The following ATRNL1 variants were observed in gnomAD, a reference collection of about 807,000 sequenced individuals.
The protein encoded by ATRNL1 is attractin like 1.
ATRNL1 carries 95 observed loss-of-function variants against 182.7 expected under a neutral mutation model. That is an observed-to-expected ratio of 0.52 (90% CI 0.44 to 0.62). The LOEUF is 0.62. Among genes scored for constraint, ATRNL1 ranks in the 20% least tolerant of loss-of-function variants. ATRNL1 has a pLI of 0.00. For missense variants in ATRNL1, 1,471 were observed against 1,679.5 expected (o/e 0.88, Z 2.17); for synonymous variants, 576 against 568.3 (o/e 1.01, Z -0.19).
intron 27 of ATRNL1, among the ~76,000 whole-genome samples, chr10:115,768,253 T>C: frequency 6.6e-6 from 1 of 152,132 alleles, no homozygotes; most frequent in East Asian, 1.9e-4. Context: ...AGAGCTAATG[T>C]ACATAAATTT....
intron 26 of ATRNL1, among the ~76,000 whole-genome samples, chr10:115,697,698 A>G (rs1205401284): frequency 6.6e-6 from 1 of 152,176 alleles, no homozygotes; most frequent in Non-Finnish European, 1.5e-5. Context: ...TTATTAATGT[A>G]AATGTTATGA....
At chr10:115,286,788 G>A (rs1231908214) in intron 15 of ATRNL1, among the ~76,000 whole-genome samples, 4 of 151,916 alleles carry the variant, frequency 2.6e-5, no homozygotes, top group South Asian at 4.1e-4. Context: ...TCAACCAACC[G>A]CAGATGAAAA....
chr10:115,428,829 CAT>C (rs1217233174), intron 21 of ATRNL1, among the ~76,000 whole-genome samples: 6 of 152,030 alleles, frequency 3.9e-5, no homozygotes, highest in Admixed American at 6.5e-5. Context: ...TTTATGTGAA[CAT>C]ATGTTTTTAT....
chr10:115,394,791 A>T, intron 20 of ATRNL1, 39 bp downstream of exon 20: 1 of 1,442,618 alleles, frequency 6.9e-7, no homozygotes, highest in Non-Finnish European at 9.5e-7. Flanking sequence ...CGTGGATTGA[A>T]TTTGTGTTGT....
intron 26 of ATRNL1, among the ~76,000 whole-genome samples, chr10:115,611,165 G>A (rs1028400734): frequency 1.3e-5 from 2 of 151,732 alleles, no homozygotes; most frequent in Non-Finnish European, 2.9e-5. Flanking sequence ...AATTGCCCGT[G>A]AAATTGAGTT....
intron 26 of ATRNL1, among the ~76,000 whole-genome samples, chr10:115,581,066 G>A (rs139339950): frequency 3.2e-4 from 48 of 151,968 alleles, no homozygotes; most frequent in African/African-American, 9.4e-4. Flanking sequence ...TTTTTTATTC[G>A]GAGCATATTT....
At chr10:115,545,755 T>G (rs1565153113) in intron 25 of ATRNL1, among the ~76,000 whole-genome samples, 1 of 152,224 alleles carries the variant, frequency 6.6e-6, no homozygotes, top group Non-Finnish European at 1.5e-5. Context: ...ATAAGTAACT[T>G]TTCTATATAC....
chr10:115,763,535 G>T (rs1948784447), intron 27 of ATRNL1, among the ~76,000 whole-genome samples: 1 of 152,112 alleles, frequency 6.6e-6, no homozygotes, highest in Non-Finnish European at 1.5e-5. Context: ...GATCTGGTTG[G>T]CCTAGTTGTG....
chr10:115,552,276 A>C (rs76068363), intron 26 of ATRNL1, among the ~76,000 whole-genome samples: 1 of 151,282 alleles, frequency 6.6e-6, no homozygotes, highest in Non-Finnish European at 1.5e-5. Context: ...TCCTCTCTTT[A>C]TTCAGTTTTA....
At chr10:115,540,435 A>G in intron 25 of ATRNL1, among the ~76,000 whole-genome samples, 1 of 152,112 alleles carries the variant, frequency 6.6e-6, no homozygotes, top group Admixed American at 6.6e-5. Context: ...ATCCCTTTGT[A>G]AAGTCAAGGT....
chr10:115,468,525 T>C (rs1288280566), intron 23 of ATRNL1, among the ~76,000 whole-genome samples: 3 of 150,806 alleles, frequency 2.0e-5, no homozygotes, highest in Non-Finnish European at 3.0e-5. Flanking sequence ...ATTGCTAAGA[T>C]TGTTGGAAAT....
intron 8 of ATRNL1, among the ~76,000 whole-genome samples, chr10:115,189,028 G>A (rs1335235639): frequency 6.6e-6 from 1 of 152,104 alleles, no homozygotes; most frequent in Admixed American, 6.6e-5. Context: ...GTAAAATACA[G>A]TTATGCCATG....
At chr10:115,690,517 A>G (rs1946356857) in intron 26 of ATRNL1, among the ~76,000 whole-genome samples, 1 of 152,112 alleles carries the variant, frequency 6.6e-6, no homozygotes, top group Non-Finnish European at 1.5e-5. Context: ...CTGGTTTCTA[A>G]CAAGCCACGG....
chr10:115,723,751 T>G (rs904233251), intron 26 of ATRNL1, among the ~76,000 whole-genome samples: 1 of 152,028 alleles, frequency 6.6e-6, no homozygotes, highest in Non-Finnish European at 1.5e-5. Context: ...AGAGACAGGA[T>G]TTCACCATGT....
chr10:115,928,584 A>C (rs1483182833), intron 28 of ATRNL1, among the ~76,000 whole-genome samples: 1 of 151,998 alleles, frequency 6.6e-6, no homozygotes, highest in Non-Finnish European at 1.5e-5. Context: ...GAAGAGAAGA[A>C]TTGTCTATTG....
At chr10:115,422,083 A>AT (rs1801290449) in intron 20 of ATRNL1, among the ~76,000 whole-genome samples, 1 of 152,192 alleles carries the variant, frequency 6.6e-6, no homozygotes, top group Non-Finnish European at 1.5e-5. Context: ...ACCCAAAACT[A>AT]TAAAAACCCT....
chr10:115,108,009 T>C (rs1554866553), intron 1 of ATRNL1, among the ~76,000 whole-genome samples: 1 of 152,184 alleles, frequency 6.6e-6, no homozygotes, highest in African/African-American at 2.4e-5. Context: ...CTTTCTATCT[T>C]GATGAATAGC....
chr10:115,858,821 T>C (rs1271560716), intron 28 of ATRNL1, among the ~76,000 whole-genome samples: 1 of 152,142 alleles, frequency 6.6e-6, no homozygotes, highest in African/African-American at 2.4e-5. Context: ...ATGAATTAAA[T>C]AGTCCTACTT....
chr10:115,679,319 G>A (rs541307145), intron 26 of ATRNL1, among the ~76,000 whole-genome samples: 3 of 148,720 alleles, frequency 2.0e-5, no homozygotes, highest in African/African-American at 7.4e-5. Context: ...TGGTTGGTTG[G>A]TTTTTTTTTT....
Sources: allele counts gnomAD v4.1 joint callset (sites outside exome capture counted in the v4.1 genomes callset), GRCh38; gene constraint gnomAD v4.1.1; transcripts MANE v1.5; gene names NCBI Gene and HGNC (gene_info 2026-07-23, HGNC 2026-07-21).